Variants in MAML3 observed in about 807,000 individuals in gnomAD.
MAML3 encodes mastermind-like protein 3.
A neutral mutation model predicts 101.9 loss-of-function variants in MAML3; 27 were observed. The observed-to-expected ratio is 0.27, with a 90% confidence interval of 0.20 to 0.37. The LOEUF is 0.37. Ranked by LOEUF, MAML3 falls within the 10% of genes least tolerant of loss-of-function variation. The probability of loss-of-function intolerance (pLI) is 1.00; values close to 1 mark genes in which losing one functional copy is unlikely to be tolerated. For missense variants in MAML3, 1,316 were observed against 1,444.9 expected, an observed-to-expected ratio of 0.91 and a Z score of 1.45; for synonymous variants, 501 against 555.9, an observed-to-expected ratio of 0.90 and a Z score of 1.39.
chr4:139,937,112 C>A (rs1028300592), intron 1 of MAML3, among the ~76,000 whole-genome samples: 2 of 152,166 alleles, frequency 1.3e-5, no homozygotes, highest in African/African-American at 4.8e-5. Context: ...GTCTTTCTTG[C>A]TAGCCAAATT....
intron 2 of MAML3, among the ~76,000 whole-genome samples, chr4:139,732,443 A>C (rs1193628905): frequency 1.3e-5 from 2 of 152,180 alleles, no homozygotes; most frequent in Non-Finnish European, 2.9e-5. Context: ...AGCAAACAAA[A>C]GCCAAACCAA....
chr4:140,152,844 G>T lies in MAML3; in HGVS notation c.468+16C>A. ...CCCCAACGCGCGCCGCAAGCCCGCTGCCCGTGCGCCCTCACCATGATCAGC... is the reference window on the plus strand; with the variant it reads ...CCCCAACGCGCGCCGCAAGCCCGCTTCCCGTGCGCCCTCACCATGATCAGC... On this transcript the variant is annotated intron_variant, in intron 1 of 4. Transcript: ENST00000509479. The T allele has an allele frequency of 6.3e-7, 1 of 1,598,968 alleles. No individual in the cohort carries two copies. Among genetic ancestry groups the T allele is most frequent in the Non-Finnish European group, 8.5e-7 (1 of 1,171,794 alleles).
chr4:139,826,748 T>C (rs1408200451), intron 2 of MAML3, among the ~76,000 whole-genome samples: 1 of 152,186 alleles, frequency 6.6e-6, no homozygotes, highest in South Asian at 2.1e-4. Context: ...CCATGCTCTT[T>C]TGTGTTAGCA....
At chr4:139,798,532 T>A (rs565804591) in intron 2 of MAML3, among the ~76,000 whole-genome samples, 72 of 152,322 alleles carry the variant, frequency 4.7e-4, no homozygotes, top group African/African-American at 1.7e-3. Flanking sequence ...TATTGTCAAG[T>A]GCAACAGAAA....
chr4:140,019,475 T>A (rs1262634382), intron 1 of MAML3, among the ~76,000 whole-genome samples: 4 of 152,144 alleles, frequency 2.6e-5, no homozygotes, highest in African/African-American at 9.7e-5. Flanking sequence ...ACCTAATGAG[T>A]GAGGAATGAA....
intron 1 of MAML3, among the ~76,000 whole-genome samples, chr4:139,998,507 A>G (rs989457215): frequency 6.6e-6 from 1 of 152,084 alleles, no homozygotes. Flanking sequence ...GTCTTTTTAT[A>G]CTTGTTTTAT....
intron 1 of MAML3, among the ~76,000 whole-genome samples, chr4:139,919,768 C>T (rs1260873229): frequency 6.6e-6 from 1 of 152,134 alleles, no homozygotes; most frequent in Non-Finnish European, 1.5e-5. Context: ...TTTGTTTGTT[C>T]ATTTGTTTTC....
At chr4:140,033,476 C>T (rs939345905) in intron 1 of MAML3, among the ~76,000 whole-genome samples, 1 of 152,080 alleles carries the variant, frequency 6.6e-6, no homozygotes, top group Non-Finnish European at 1.5e-5. Flanking sequence ...TACTGAAAAA[C>T]AAAGATCAGA....
At position 139,720,053 on chromosome 4, in the gene MAML3, T is replaced by C. The variant is rs200536188; in HGVS notation, c.2687A>G (p.Gln896Arg). 1.5e-4 allele frequency: 237 copies of C among 1,614,062 alleles called. 1 individual carries two copies. Among genetic ancestry groups the C allele is most frequent in the Non-Finnish European group, 1.9e-4 (230 of 1,179,890 alleles). Residue 896 changes from glutamine to arginine, a missense_variant, in exon 5 of 5, where the codon CAA (glutamine) becomes CGA (arginine). Transcript: ENST00000509479. ...NQSGMSITHN[Q>R]AQGPRQPASG... is the part of the protein sequence containing the mutation. ...GGCAGGTTGCCTCGGTCCCTGGGCT[T>C]GGTTATGTGTGATGCTCATGCCACT...
chr4:139,998,017 A>T (rs556877707), intron 1 of MAML3, among the ~76,000 whole-genome samples: 3 of 152,232 alleles, frequency 2.0e-5, no homozygotes, highest in African/African-American at 4.8e-5. Context: ...ACACAGAGTT[A>T]GTTCTATTTG....
chr4:140,126,542 C>T (rs1245900553), intron 1 of MAML3, among the ~76,000 whole-genome samples: 1 of 152,154 alleles, frequency 6.6e-6, no homozygotes, highest in African/African-American at 2.4e-5. Context: ...TGAAGGATCG[C>T]CTCCTTCAGA....
intron 4 of MAML3, among the ~76,000 whole-genome samples, chr4:139,724,170 G>C (rs1728374003): frequency 6.6e-6 from 1 of 152,208 alleles, no homozygotes; most frequent in Non-Finnish European, 1.5e-5. Context: ...AGGATCTAAT[G>C]TGATATAAGC....
intron 1 of MAML3, among the ~76,000 whole-genome samples, chr4:140,052,786 C>A (rs187392895): frequency 6.6e-6 from 1 of 152,108 alleles, no homozygotes; most frequent in African/African-American, 2.4e-5. Context: ...CCACCCATCT[C>A]GCCCTCCCAA....
intron 1 of MAML3, among the ~76,000 whole-genome samples, chr4:140,002,883 C>G (rs1416221930): frequency 6.6e-6 from 1 of 152,212 alleles, no homozygotes; most frequent in Non-Finnish European, 1.5e-5. Context: ...TCCCAAGGGA[C>G]CTACTTTACC....
At chr4:139,752,906 A>G (rs1418017529) in intron 2 of MAML3, among the ~76,000 whole-genome samples, 1 of 152,018 alleles carries the variant, frequency 6.6e-6, no homozygotes, top group Admixed American at 6.5e-5. Context: ...AAGAGCTAAC[A>G]GGGGGAAAGA....
intron 2 of MAML3, among the ~76,000 whole-genome samples, chr4:139,862,160 G>C (rs1008456491): frequency 2.0e-5 from 3 of 152,182 alleles, no homozygotes; most frequent in African/African-American, 7.2e-5. Context: ...AGTGAGCTGA[G>C]ATCGTGCCAT....
At chr4:140,083,961 CACACACAGAGAG>C (rs59991363) in intron 1 of MAML3, among the ~76,000 whole-genome samples, 1,061 of 36,048 alleles carry the variant, frequency 0.029, 5 homozygotes, top group East Asian at 0.053. Context: ...CACACACACA[CACACACAGAGAG>C]AGAGAGAGAG....
chr4:140,126,620 T>G (rs1039617467), intron 1 of MAML3, among the ~76,000 whole-genome samples: 1 of 152,214 alleles, frequency 6.6e-6, no homozygotes, highest in African/African-American at 2.4e-5. Context: ...TATACGTGCT[T>G]TGCCAATTTC....
intron 1 of MAML3, among the ~76,000 whole-genome samples, chr4:140,078,904 A>T (rs1426648579): frequency 6.6e-6 from 1 of 152,208 alleles, no homozygotes; most frequent in Non-Finnish European, 1.5e-5. Context: ...GACCATTGTC[A>T]CAGGAGGAAA....
Sources: gnomAD v4.1 joint callset for allele counts (sites outside exome capture counted in the v4.1 genomes callset) on GRCh38, gnomAD v4.1.1 for gene constraint, MANE v1.5 for transcripts, NCBI Gene and HGNC (gene_info 2026-07-23, HGNC 2026-07-21) for gene names.